Variants in ERFL observed in about 807,000 individuals in gnomAD.
The protein encoded by ERFL is ETS repressor factor like.
A neutral mutation model predicts 27.9 loss-of-function variants in ERFL; 8 were observed. The observed-to-expected ratio is 0.29, with a 90% CI of 0.17 to 0.52. The LOEUF is 0.52. Ranked by LOEUF, ERFL falls within the 20% of genes least tolerant of loss-of-function variation. The pLI, the probability that ERFL is intolerant of heterozygous loss-of-function variation, is 0.97. For synonymous variants in ERFL, 174 were observed against 202.8 expected, an observed-to-expected ratio of 0.86 and a Z score of 1.21; for missense variants, 294 against 444.4, an observed-to-expected ratio of 0.66 and a Z score of 3.04.
In ERFL at chr19:41,908,069, A is replaced by G. The variant is rs1568828394; in HGVS notation, c.*159T>C. The G allele has an allele frequency of 1.0e-5, 5 of 483,906 alleles. No homozygotes were observed. The highest frequency in any genetic ancestry group is 4.4e-5 in the Admixed American group (1 of 22,578). The allele number at this position is 483,906 out of a possible 1,614,324, so 30.0% of individuals were successfully genotyped here. On this transcript the variant is annotated 3_prime_UTR_variant, in exon 6 of 6. Transcript: ENST00000597630. This position sits in a 1 kb window ranked among gnomAD's most constrained non-coding sequence, Gnocchi z 6.7. ...TGTCCTCTGTGGAGGGGGAAGTGAG[A>G]CCCCCCCCACTCTGGGGCTGGGGAA...
intron 1 of ERFL, among the ~76,000 whole-genome samples, chr19:41,914,966 C>CCG (rs1555851782): frequency 1.2e-5 from 1 of 82,664 alleles, no homozygotes; most frequent in Non-Finnish European, 2.0e-5. Context: ...ATCTCTGTCT[C>CCG]TCCCTCCCTC....
rs1259135442 is a variant in ERFL at position 41,921,641 on chromosome 19, G to A, written c.-14+6399C>T. 6.6e-6 allele frequency among the ~76,000 whole-genome samples: 1 copy of A among 152,128 alleles called. No homozygotes were observed. The highest frequency in any genetic ancestry group is 2.4e-5 in the African/African-American group (1 of 41,410). ...GGCCGCACCGGAGACCCTGGGTTGG[G>A]AGGAAGGAGAGAAGAGGGCAGAGAT... On this transcript the variant is annotated intron_variant, in intron 1 of 5. Coordinates refer to ENST00000597630, the MANE Select transcript of ERFL (RefSeq NM_001365103.2). The surrounding 1 kb of genome is among the most constrained non-coding windows in gnomAD (Gnocchi z 4.4).
intron 1 of ERFL, among the ~76,000 whole-genome samples, chr19:41,915,239 G>A (rs782082031): frequency 4.1e-5 from 6 of 147,738 alleles, no homozygotes. Context: ...ACGAGGAGCC[G>A]TGGGATCGGC....
chr19:41,909,511 G>T lies in ERFL; in HGVS notation c.303-40C>A. 8.0e-7 allele frequency: 1 copy of T among 1,248,714 alleles called. No homozygotes were observed. The highest frequency in any genetic ancestry group is 1.0e-6 in the Non-Finnish European group (1 of 994,434). The allele number at this position is 1,248,714 out of a possible 1,614,324, so 77.4% of individuals were successfully genotyped here. A position where few individuals can be genotyped will look rare whatever the true frequency, so the allele number is the denominator to read the frequency against. On this transcript the variant is annotated intron_variant, in intron 3 of 5. Transcript: ENST00000597630. The surrounding 1 kb of genome is among the most constrained non-coding windows in gnomAD (Gnocchi z 5.2). ...GTGGTGTTGGGGAGGTGCAGGGGGA[G>T]CCCTGGGGCGGGATCTGGGGTTTCT...
At chr19:41,914,927 C>T (rs2074789839) in intron 1 of ERFL, among the ~76,000 whole-genome samples, 1 of 131,964 alleles carries the variant, frequency 7.6e-6, no homozygotes, top group Non-Finnish European at 1.7e-5. Flanking sequence ...TCCACCATCT[C>T]CGTCTCTGTC....
rs1211558248 is a variant in ERFL, at chr19:41,909,310, G to A, written c.464C>T (p.Ala155Val). Residue 155 changes from alanine (A) to valine (V), a missense_variant, in exon 4 of 6, where the codon GCC (alanine) becomes GTC (valine). Coordinates refer to ENST00000597630, the MANE Select transcript of ERFL (RefSeq NM_001365103.2). The surrounding 1 kb of genome is among the most constrained non-coding windows in gnomAD (Gnocchi z 5.2). ...GAGGGGAGGAGCATCTGGCCCTGGGGCCCCCCCAAAGGGACTGGGGGTCAG... is the reference window on the plus strand; with the variant it reads ...GAGGGGAGGAGCATCTGGCCCTGGGACCCCCCCAAAGGGACTGGGGGTCAG... Reference protein sequence around the residue: ...LLLTPSPFGGAPGPDAPPLTP... With the variant: ...LLLTPSPFGGVPGPDAPPLTP... 2.4e-6 allele frequency: 3 copies of A among 1,234,682 alleles called. No homozygotes were observed. Among genetic ancestry groups the A allele is most frequent in the Non-Finnish European group, 3.0e-6 (3 of 989,196 alleles). The allele number at this position is 1,234,682 out of a possible 1,614,324, so 76.5% of individuals were successfully genotyped here. A position where few individuals can be genotyped will look rare whatever the true frequency, so the allele number is the denominator to read the frequency against.
rs1380890760 is a variant in ERFL at position 41,907,783 on chromosome 19, G to A, written c.*445C>T. 1 of 192,672 alleles carries A rather than the reference G, an allele frequency of 5.2e-6. No individual in the cohort carries two copies. Among genetic ancestry groups the A allele is most frequent in the Non-Finnish European group, 1.0e-5 (1 of 95,344 alleles). The allele number at this position is 192,672 out of a possible 1,614,324, so 11.9% of individuals were successfully genotyped here. ...GATCATGGGGAGCTGGTGGGGAGGG[G>A]GGCCCCTCCTGGGTGGGGGCTGGGG... On this transcript the variant is annotated 3_prime_UTR_variant, in exon 6 of 6. Transcript: ENST00000597630.
intron 2 of ERFL, among the ~76,000 whole-genome samples, chr19:41,911,144 A>G (rs1382975440): frequency 6.6e-6 from 1 of 152,094 alleles, no homozygotes; most frequent in African/African-American, 2.4e-5. Context: ...GTCAGCACTG[A>G]CACCCCCGGC....
At position 41,921,744 on chromosome 19, in the gene ERFL, C is replaced by T. The variant is rs1555852512; in HGVS notation, c.-14+6296G>A. Among the ~76,000 whole-genome samples, 1 of 152,024 alleles carries T rather than the reference C, an allele frequency of 6.6e-6. No homozygotes were observed. The highest frequency in any genetic ancestry group is 1.5e-5 in the Non-Finnish European group (1 of 67,984). On this transcript the variant is annotated intron_variant, in intron 1 of 5. Coordinates refer to ENST00000597630, the MANE Select transcript of ERFL (RefSeq NM_001365103.2). The surrounding 1 kb of genome is among the most constrained non-coding windows in gnomAD (Gnocchi z 4.4). ...GGCCCTGGAGGTGGAGTGGAAGGCT[C>T]AGGTGTAGGCCGGGTGGCGGGCAGA...
intron 2 of ERFL, among the ~76,000 whole-genome samples, chr19:41,911,264 G>C (rs2074749791): frequency 6.6e-6 from 1 of 152,172 alleles, no homozygotes; most frequent in Non-Finnish European, 1.5e-5. Flanking sequence ...CCCAAGCCCT[G>C]GGTCCAACTT....
intron 1 of ERFL, chr19:41,923,091 G>T (rs1295181622): frequency 2.2e-6 from 1 of 454,874 alleles, no homozygotes; most frequent in African/African-American, 2.0e-5. Flanking sequence ...GCTTCCCTCA[G>T]CACCCCATCC....
intron 2 of ERFL, among the ~76,000 whole-genome samples, chr19:41,911,021 C>G (rs782343780): frequency 3.3e-5 from 5 of 152,188 alleles, no homozygotes; most frequent in Non-Finnish European, 2.9e-5. Flanking sequence ...AAAGAACACA[C>G]TGTACGATGG....
In ERFL at chr19:41,916,581, C is replaced by T. The variant is rs2074802915; in HGVS notation, c.-13-3649G>A. On this transcript the variant is annotated intron_variant, in intron 1 of 5. Transcript: ENST00000597630. The surrounding 1 kb of genome is among the most constrained non-coding windows in gnomAD (Gnocchi z 5.4). Reference sequence around the variant, plus strand: ...ACACATAATCACACACTGAGGCTCACAATCAAATACAGAAACCCAGATTCC... The same window carrying T: ...ACACATAATCACACACTGAGGCTCATAATCAAATACAGAAACCCAGATTCC... 6.6e-6 allele frequency among the ~76,000 whole-genome samples: 1 copy of T among 152,108 alleles called. No individual in the cohort carries two copies.
chr19:41,923,559 G>A (rs1450999170), intron 1 of ERFL, among the ~76,000 whole-genome samples: 4 of 147,380 alleles, frequency 2.7e-5, no homozygotes, highest in Non-Finnish European at 6.0e-5. Flanking sequence ...CATGGACAGG[G>A]ACAAGGAGAC....
At chr19:41,918,204 G>A (rs1043750749) in intron 1 of ERFL, among the ~76,000 whole-genome samples, 6 of 151,564 alleles carry the variant, frequency 4.0e-5, no homozygotes, top group Admixed American at 2.0e-4. Flanking sequence ...ACATGTATAC[G>A]CCACATATAC....
In ERFL at chr19:41,909,900, G is replaced by T; in HGVS notation, c.265C>A (p.Pro89Thr). ...CTCAGCTTGTCGTAATTCATGTGGG[G>T]CTTGCATTTGCGAATACCCCACAGC... ...ARLWGIRKCK[P>T]HMNYDKLSRA... is the part of the protein sequence containing the mutation. Residue 89 changes from proline to threonine, a missense_variant, in exon 3 of 6, where the codon CCC becomes ACC. Physicochemically the swap from Pro to Thr is conservative, Grantham distance 38. Around this residue, in one of 3 missense-constraint regions of ERFL, gnomAD observed 246 missense variants for 371.4 expected, o/e 0.66. Coordinates refer to ENST00000597630, the MANE Select transcript of ERFL (RefSeq NM_001365103.2). This position sits in a 1 kb window ranked among gnomAD's most constrained non-coding sequence, Gnocchi z 5.2. The T allele has an allele frequency of 6.2e-7, 1 of 1,613,498 alleles. No homozygotes were observed. Among genetic ancestry groups the T allele is most frequent in the Non-Finnish European group, 8.5e-7 (1 of 1,179,760 alleles).
chr19:41,920,550 C>T (rs1555852391), intron 1 of ERFL, among the ~76,000 whole-genome samples: 2 of 151,932 alleles, frequency 1.3e-5, no homozygotes, highest in African/African-American at 2.4e-5. Context: ...AGACAGGACA[C>T]GCCCAGATGT....
chr19:41,917,655 C>T lies in ERFL; in HGVS notation c.-13-4723G>A, dbSNP rs939838279. On this transcript the variant is annotated intron_variant, in intron 1 of 5. Transcript: ENST00000597630. This position sits in a 1 kb window ranked among gnomAD's most constrained non-coding sequence, Gnocchi z 4.8. ...CCATGCCCCAAAGCACACGCACGCA[C>T]GCACACACACACCCTGACTGCACCC... 6.6e-6 allele frequency among the ~76,000 whole-genome samples: 1 copy of T among 151,968 alleles called. No individual in the cohort carries two copies. The highest frequency in any genetic ancestry group is 2.4e-5 in the African/African-American group (1 of 41,310).
intron 1 of ERFL, among the ~76,000 whole-genome samples, chr19:41,927,109 G>T (rs2074876307): frequency 6.6e-6 from 1 of 152,022 alleles, no homozygotes; most frequent in Non-Finnish European, 1.5e-5. Context: ...GACAGAGATA[G>T]AGAGACAGAT....
Sources: gnomAD v4.1 joint callset for allele counts (sites outside exome capture counted in the v4.1 genomes callset) on GRCh38, gnomAD v4.1.1 for gene constraint, gnomAD v4.1.1 regional missense constraint, Gnocchi (gnomAD v3.1) non-coding constraint, MANE v1.5 for transcripts, NCBI Gene and HGNC (gene_info 2026-07-23, HGNC 2026-07-21) for gene names.